REDIC1: variants seen among roughly 807,000 people sequenced by gnomAD.
REDIC1 encodes regulator of DNA class I crossover intermediates 1.
the REDIC1 span, among the ~76,000 whole-genome samples, chr12:39,901,233 A>C: frequency 5.1e-4 from 78 of 152,358 alleles, no homozygotes; most frequent in African/African-American, 1.9e-3. Flanking sequence ...GAAACCATAA[A>C]AACCCTAGAA....
the REDIC1 span, chr12:39,871,815 G>GT: frequency 6.2e-7 from 1 of 1,608,070 alleles, no homozygotes; most frequent in Non-Finnish European, 8.5e-7. Context: ...ACTACCAAAG[G>GT]TAAGCTTTCT....
At chr12:39,821,982 A>C in the REDIC1 span, among the ~76,000 whole-genome samples, 2 of 152,022 alleles carry the variant, frequency 1.3e-5, no homozygotes, top group Non-Finnish European at 1.5e-5. Context: ...GGTTAGTTAC[A>C]TATGTATACA....
the REDIC1 span, among the ~76,000 whole-genome samples, chr12:39,671,220 A>G: frequency 2.6e-5 from 4 of 152,194 alleles, no homozygotes; most frequent in African/African-American, 9.7e-5. Context: ...GTGTATCCAT[A>G]AAGTTGGTTG....
At chr12:39,890,537 G>A in the REDIC1 span, among the ~76,000 whole-genome samples, 8 of 152,230 alleles carry the variant, frequency 5.3e-5, no homozygotes, top group Admixed American at 3.9e-4. Context: ...AGTAGAAGAC[G>A]GAGGCAGAAG....
the REDIC1 span, among the ~76,000 whole-genome samples, chr12:39,714,084 C>T: frequency 1.1e-4 from 6 of 56,612 alleles, 1 homozygote; most frequent in African/African-American, 2.6e-4. Flanking sequence ...TGTATATACA[C>T]ATATATGTAC....
chr12:39,808,118 C>T, the REDIC1 span, among the ~76,000 whole-genome samples: 1 of 152,118 alleles, frequency 6.6e-6, no homozygotes, highest in Non-Finnish European at 1.5e-5. Flanking sequence ...TTCCTTCATG[C>T]CCAACTCCAG....
the REDIC1 span, among the ~76,000 whole-genome samples, chr12:39,725,411 G>A: frequency 6.6e-6 from 1 of 152,086 alleles, no homozygotes; most frequent in Non-Finnish European, 1.5e-5. Context: ...TTTCTTGATT[G>A]TATCCCTGTT....
chr12:39,872,540 G>T, the REDIC1 span, among the ~76,000 whole-genome samples: 1 of 152,138 alleles, frequency 6.6e-6, no homozygotes, highest in Non-Finnish European at 1.5e-5. Flanking sequence ...CCCGAAAAAG[G>T]GTACTCTGGT....
the REDIC1 span, among the ~76,000 whole-genome samples, chr12:39,775,998 G>C: frequency 6.6e-6 from 1 of 152,116 alleles, no homozygotes; most frequent in African/African-American, 2.4e-5. Context: ...TAGATTTTTG[G>C]ATCAGGAATA....
chr12:39,893,062 T>C, the REDIC1 span, among the ~76,000 whole-genome samples: 1 of 152,192 alleles, frequency 6.6e-6, no homozygotes, highest in East Asian at 1.9e-4. Context: ...AAGGAAACCA[T>C]GATAATTTAG....
chr12:39,743,002 C>T, the REDIC1 span, among the ~76,000 whole-genome samples: 1 of 152,118 alleles, frequency 6.6e-6, no homozygotes, highest in Non-Finnish European at 1.5e-5. Flanking sequence ...CCATGGACCC[C>T]CCACCTTCAC....
chr12:39,787,591 C>A, the REDIC1 span, among the ~76,000 whole-genome samples: 1 of 151,906 alleles, frequency 6.6e-6, no homozygotes, highest in Admixed American at 6.6e-5. Context: ...CTCTTCAGTC[C>A]CTATTGAAAC....
chr12:39,902,800 T>C, the REDIC1 span, among the ~76,000 whole-genome samples: 3 of 152,256 alleles, frequency 2.0e-5, no homozygotes, highest in Admixed American at 6.5e-5. Context: ...GTTTTAGTTA[T>C]CTACTATGAA....
At chr12:39,896,643 A>G in the REDIC1 span, among the ~76,000 whole-genome samples, 1 of 151,684 alleles carries the variant, frequency 6.6e-6, no homozygotes, top group African/African-American at 2.4e-5. Context: ...AACTTCTGGA[A>G]GAAAACAACA....
the REDIC1 span, among the ~76,000 whole-genome samples, chr12:39,769,802 G>A: frequency 6.6e-6 from 1 of 151,852 alleles, no homozygotes; most frequent in African/African-American, 2.4e-5. Context: ...AATACCAGAA[G>A]TTTATACTCA....
At chr12:39,692,822 A>G in the REDIC1 span, among the ~76,000 whole-genome samples, 1 of 152,052 alleles carries the variant, frequency 6.6e-6, no homozygotes, top group African/African-American at 2.4e-5. Context: ...TAGAATTGCT[A>G]GTTCATATGA....
chr12:39,781,611 A>T, the REDIC1 span, among the ~76,000 whole-genome samples: 3 of 152,254 alleles, frequency 2.0e-5, no homozygotes, highest in Admixed American at 2.0e-4. Context: ...AGAATGAATA[A>T]GTCATTCAAT....
At chr12:39,816,625 T>G in the REDIC1 span, among the ~76,000 whole-genome samples, 2 of 151,170 alleles carry the variant, frequency 1.3e-5, no homozygotes, top group Non-Finnish European at 3.0e-5. Flanking sequence ...AATACAAGAA[T>G]TATATTAGTA....
At chr12:39,859,554 C>T in the REDIC1 span, among the ~76,000 whole-genome samples, 1 of 152,052 alleles carries the variant, frequency 6.6e-6, no homozygotes, top group South Asian at 2.1e-4. Context: ...CAGAGTCTCC[C>T]TCTTGTCACC....
Sources: allele counts gnomAD v4.1 joint callset (sites outside exome capture counted in the v4.1 genomes callset), GRCh38; gene constraint gnomAD v4.1.1; transcripts MANE v1.5; gene names NCBI Gene and HGNC (gene_info 2026-07-23, HGNC 2026-07-21).